Variants in GSE1 observed in about 807,000 individuals in gnomAD.
The protein encoded by GSE1 is Gse1 coiled-coil protein.
GSE1 carries 32 observed loss-of-function variants against 112.6 expected under a neutral mutation model. That is an observed-to-expected ratio of 0.28 (90% CI 0.21 to 0.38). The LOEUF (loss-of-function observed/expected upper bound fraction) is 0.38, where lower values mean the gene tolerates loss of function less well. GSE1 is among the 10% of genes least tolerant of loss of function. The pLI, the probability that GSE1 is intolerant of heterozygous loss-of-function variation, is 1.00. For synonymous variants in GSE1, 1,115 were observed against 735.6 expected, an observed-to-expected ratio of 1.52 and a Z score of -8.35; for missense variants, 2,348 against 1,699.2, an observed-to-expected ratio of 1.38 and a Z score of -6.71.
At chr16:85,401,069 G>A (rs574721221) in intron 2 of GSE1, among the ~76,000 whole-genome samples, 4 of 152,264 alleles carry the variant, frequency 2.6e-5, no homozygotes, top group Admixed American at 6.5e-5. Context: ...GCCAAACCAC[G>A]AAAGCCCAAA....
intron 1 of GSE1, among the ~76,000 whole-genome samples, chr16:85,587,342 G>A (rs996087909): frequency 7.9e-5 from 12 of 152,236 alleles, no homozygotes; most frequent in African/African-American, 2.9e-4. Flanking sequence ...TTTGCTATTA[G>A]CCAGTGTTAA....
intron 2 of GSE1, among the ~76,000 whole-genome samples, chr16:85,429,683 C>G (rs995144348): frequency 6.6e-6 from 1 of 152,212 alleles, no homozygotes; most frequent in Non-Finnish European, 1.5e-5. Context: ...CCTCCCCTGT[C>G]CTCAGACCTG....
chr16:85,395,533 G>A (rs1472355159), intron 2 of GSE1, among the ~76,000 whole-genome samples: 1 of 152,196 alleles, frequency 6.6e-6, no homozygotes, highest in Non-Finnish European at 1.5e-5. Context: ...TTCGCTGCCT[G>A]GAAACACCCT....
intron 1 of GSE1, among the ~76,000 whole-genome samples, chr16:85,174,394 A>G (rs1457818027): frequency 6.6e-6 from 1 of 152,194 alleles, no homozygotes; most frequent in African/African-American, 2.4e-5. Context: ...GCCTACAGAG[A>G]GGACAGCTCT....
chr16:85,654,828 A>T lies in GSE1; in HGVS notation c.634A>T (p.Ser212Cys), dbSNP rs150017852. The T allele has an allele frequency of 4.8e-5, 78 of 1,608,502 alleles. No individual in the cohort carries two copies. Among genetic ancestry groups the T allele is most frequent in the Non-Finnish European group, 4.8e-5 (57 of 1,177,534 alleles). ...GCCCGTGCACCACGTGGTGCCCCCC[A>T]GTACCGTGACCGAGGACTACCTGAG... ...QRPVHHVVPP[S>C]TVTEDYLRSF... The change falls in exon 5 of 16, where the codon AGT becomes TGT. Residue 212 changes from serine to cysteine, a missense_variant. Ser to Cys is a moderately radical substitution (Grantham distance 112). Coordinates refer to ENST00000253458, the MANE Select transcript of GSE1 (RefSeq NM_014615.5).
Position 85,581,499 on chromosome 16 carries a change from C to A in GSE1, c.37+25136C>A, listed in dbSNP as rs186260474. ...GGGAGCTGACGGGTTATCAGGCCCT[C>A]TGTTTCTGGAGAGAGGTTTATGCCA... On this transcript the variant is annotated intron_variant, in intron 1 of 2. Transcript: ENST00000635906. 3.5e-4 allele frequency among the ~76,000 whole-genome samples: 52 copies of A among 149,656 alleles called. No individual in the cohort carries two copies. The East Asian group carries it at 8.5e-3, about 25-fold the overall frequency.
intron 2 of GSE1, among the ~76,000 whole-genome samples, chr16:85,483,467 G>T (rs995730887): frequency 1.3e-5 from 2 of 152,268 alleles, no homozygotes; most frequent in East Asian, 1.9e-4. Context: ...GGTTGTGAGA[G>T]CCTGTCTAGT....
chr16:85,216,380 C>T (rs191749537), intron 1 of GSE1, among the ~76,000 whole-genome samples: 35 of 152,298 alleles, frequency 2.3e-4, no homozygotes, highest in Non-Finnish European at 4.1e-4. Context: ...GCCTGAATGA[C>T]AGAGCAAGAC....
intron 2 of GSE1, among the ~76,000 whole-genome samples, chr16:85,472,608 C>T (rs914295411): frequency 7.2e-5 from 11 of 152,250 alleles, no homozygotes; most frequent in African/African-American, 2.7e-4. Flanking sequence ...CATAGCGCAG[C>T]CCGGCACAGC....
At position 85,657,513 on chromosome 16, in the gene GSE1, G is replaced by A; in HGVS notation, c.1549G>A (p.Glu517Lys). 3 of 1,605,232 alleles carry A rather than the reference G, an allele frequency of 1.9e-6. No homozygotes were observed. Among genetic ancestry groups the A allele is most frequent in the Non-Finnish European group, 2.6e-6 (3 of 1,176,400 alleles). Residue 517 changes from glutamate to lysine, a missense_variant, in exon 8 of 16, where the codon GAG becomes AAG. By Grantham distance (56) the Glu-to-Lys change is moderately conservative. Transcript: ENST00000253458. The stretch of plus-strand genomic sequence containing the variant: ...GGAGGACCGGCAGTCTCAGGTGTCC[G>A]AGTTCCGGCAGCAGGTGCTGGAGCA... The part of the protein sequence containing the change: ...EKEDRQSQVS[E>K]FRQQVLEQHL...
At chr16:85,610,372 C>T (rs1312161931), upstream of GSE1, among the ~76,000 whole-genome samples, 1 of 152,058 alleles carries the variant, frequency 6.6e-6, no homozygotes, top group Non-Finnish European at 1.5e-5. Flanking sequence ...TATCTGGGGG[C>T]GCGGGGCTGT....
chr16:85,566,136 A>C (rs747109147), intron 1 of GSE1, among the ~76,000 whole-genome samples: 3 of 152,170 alleles, frequency 2.0e-5, no homozygotes, highest in Middle Eastern at 3.2e-3. Flanking sequence ...TAGGACCCTG[A>C]GCTGCAATTA....
At chr16:85,344,370 G>A (rs1008993387) in intron 1 of GSE1, among the ~76,000 whole-genome samples, 40 of 152,224 alleles carry the variant, frequency 2.6e-4, no homozygotes, top group African/African-American at 9.6e-4. Flanking sequence ...ACCCTGGGCC[G>A]AGCGGGGTCC....
At chr16:85,219,167 C>T (rs921350098) in intron 1 of GSE1, among the ~76,000 whole-genome samples, 8 of 152,146 alleles carry the variant, frequency 5.3e-5, no homozygotes, top group Admixed American at 2.0e-4. Flanking sequence ...CATGAGCCAC[C>T]GCGCCCGGCC....
chr16:85,489,042 C>T (rs1006328301), intron 2 of GSE1, among the ~76,000 whole-genome samples: 1 of 152,146 alleles, frequency 6.6e-6, no homozygotes, highest in Non-Finnish European at 1.5e-5. Flanking sequence ...TCCAGAGCTG[C>T]CGTCCGCAGA....
At chr16:85,483,333 C>T (rs1376765328) in intron 2 of GSE1, among the ~76,000 whole-genome samples, 2 of 152,272 alleles carry the variant, frequency 1.3e-5, no homozygotes, top group East Asian at 1.9e-4. Context: ...AGAAACGGGG[C>T]AGAGGGGAGT....
At chr16:85,474,437 G>A (rs905946772) in intron 2 of GSE1, among the ~76,000 whole-genome samples, 2 of 152,186 alleles carry the variant, frequency 1.3e-5, no homozygotes, top group South Asian at 4.1e-4. Flanking sequence ...GGGGGACCTC[G>A]GGCAGTGGGG....
At chr16:85,211,589 G>A (rs901244580) in intron 1 of GSE1, among the ~76,000 whole-genome samples, 10 of 152,340 alleles carry the variant, frequency 6.6e-5, no homozygotes, top group Non-Finnish European at 1.5e-4. Context: ...GGGCCCTGGC[G>A]TGCAAGCCCT....
intron 1 of GSE1, among the ~76,000 whole-genome samples, chr16:85,296,678 C>G (rs1038549254): frequency 6.6e-5 from 10 of 152,180 alleles, no homozygotes; most frequent in African/African-American, 2.2e-4. Flanking sequence ...CGCCCTTCAA[C>G]TTCTTCCTCT....
Sources: allele counts gnomAD v4.1 joint callset (sites outside exome capture counted in the v4.1 genomes callset), GRCh38; gene constraint gnomAD v4.1.1; transcripts MANE v1.5; gene names NCBI Gene and HGNC (gene_info 2026-07-23, HGNC 2026-07-21).